Variants in NR3C2 observed in about 807,000 individuals in gnomAD.
NR3C2 encodes the protein mineralocorticoid receptor.
Under a neutral mutation model 86.4 loss-of-function variants are expected in NR3C2, and 15 were observed. The ratio of observed to expected loss-of-function variants is 0.17; its 90% CI spans 0.12 to 0.27. The LOEUF (loss-of-function observed/expected upper bound fraction) is 0.27, where lower values mean the gene tolerates loss of function less well. Ranked by LOEUF, NR3C2 falls within the 10% of genes least tolerant of loss-of-function variation. NR3C2 has a pLI of 1.00. For synonymous variants in NR3C2, 458 were observed against 450.5 expected, an observed-to-expected ratio of 1.02 and a Z score of -0.21; for missense variants, 960 against 1,195.6, an observed-to-expected ratio of 0.80 and a Z score of 2.91.
rs1740021865 is a variant in NR3C2 at position 148,260,098 on chromosome 4, A to G, written c.1777T>C (p.Ser593Pro). Residue 593 changes from serine (S) to proline (P), a missense_variant, in exon 3 of 9, where the codon TCT becomes CCT. Physicochemically the swap from Ser to Pro is moderately conservative, Grantham distance 74. Coordinates refer to ENST00000358102, the MANE Select transcript of NR3C2 (RefSeq NM_000901.5). ...NVSSSTLRSVSTGSSRPSKIC... is the reference protein window; with the variant it reads ...NVSSSTLRSVPTGSSRPSKIC... ...TTTGAAGGTCTTGAAGATCCAGTAGAAACACTTCGTAAAGTAGAGCTGGGG... is the reference window on the plus strand; with the variant it reads ...TTTGAAGGTCTTGAAGATCCAGTAGGAACACTTCGTAAAGTAGAGCTGGGG... The G allele has an allele frequency of 6.2e-7, 1 of 1,613,996 alleles. No individual in the cohort carries two copies. The highest frequency in any genetic ancestry group is 1.3e-5 in the African/African-American group (1 of 74,952).
rs80120039 is a variant in NR3C2, at chr4:148,335,070, A to T, written c.1758-74953T>A. Among the ~76,000 whole-genome samples, 864 of 152,304 alleles carry T rather than the reference A, an allele frequency of 5.7e-3. 7 individuals are homozygous for T. Among genetic ancestry groups the T allele is most frequent in the African/African-American group, 0.019 (810 of 41,548 alleles). The stretch of plus-strand genomic sequence containing the variant: ...CTCTATTCCAGTATGACCTCATTGT[A>T]ACTAATTATATCTGCGATGACTTTA... On this transcript the variant is annotated intron_variant, in intron 2 of 8. Transcript: ENST00000358102.
intron 2 of NR3C2, among the ~76,000 whole-genome samples, chr4:148,367,756 G>C (rs1746219538): frequency 6.6e-6 from 1 of 151,772 alleles, no homozygotes; most frequent in African/African-American, 2.4e-5. Flanking sequence ...GACAGTGAAG[G>C]GGGAACTAGA....
rs139477358 is a variant in NR3C2 at position 148,117,773 on chromosome 4, A to T, written c.2641+2385T>A. 6.3e-3 allele frequency among the ~76,000 whole-genome samples: 958 copies of T among 152,240 alleles called. 10 individuals carry two copies. The highest frequency in any genetic ancestry group is 0.022 in the African/African-American group (902 of 41,538). On this transcript the variant is annotated intron_variant, in intron 7 of 8. Coordinates refer to ENST00000358102, the MANE Select transcript of NR3C2 (RefSeq NM_000901.5). ...CTGGAAACAACAGCTCTTCATACGC[A>T]TTCGGAAATCCTGAGCCCCTTGGCT...
chr4:148,207,466 G>C (rs1737062582), intron 3 of NR3C2, among the ~76,000 whole-genome samples: 1 of 152,086 alleles, frequency 6.6e-6, no homozygotes, highest in African/African-American at 2.4e-5. Flanking sequence ...TTGATCATTT[G>C]GCTAAATTTG....
At position 148,435,077 on chromosome 4, in the gene NR3C2, C is replaced by G. The variant is rs1749969905; in HGVS notation, c.1757+27G>C. On this transcript the variant is annotated intron_variant, in intron 2 of 8. Transcript: ENST00000358102. Reference sequence around the variant, plus strand: ...TTCAACATGTATAAAGCCATGACTTCCAAAAAAATGGAGAAAACCAACTTA... The same window carrying G: ...TTCAACATGTATAAAGCCATGACTTGCAAAAAAATGGAGAAAACCAACTTA... 4 of 1,611,598 alleles carry G rather than the reference C, an allele frequency of 2.5e-6. No individual in the cohort carries two copies. The African/African-American group carries it at 5.3e-5, about 22-fold the overall frequency.
chr4:148,274,767 G>A (rs1016633848), intron 2 of NR3C2, among the ~76,000 whole-genome samples: 1 of 147,690 alleles, frequency 6.8e-6, no homozygotes, highest in African/African-American at 2.5e-5. Flanking sequence ...GCGTGATTTC[G>A]GCTCACTGCA....
rs1731686588 is a variant in NR3C2 at position 148,104,342 on chromosome 4, G to GGTTTGGTTTTTTTTTTTTTTTT, written c.2799+9761_2799+9762insAAAAAAAAAAAAAAAACCAAAC. 6.3e-5 allele frequency among the ~76,000 whole-genome samples: 4 copies of GGTTTGGTTTTTTTTTTTTTTTT among 63,794 alleles called. 1 individual carries two copies. The highest frequency in any genetic ancestry group is 5.5e-5 in the African/African-American group (1 of 18,032). The allele number at this position is 63,794 out of a possible 152,430, so 41.9% of individuals were successfully genotyped here. A position where few individuals can be genotyped will look rare whatever the true frequency, so the allele number is the denominator to read the frequency against. On this transcript the variant is annotated intron_variant, in intron 8 of 8. Transcript: ENST00000358102. ...GTTTGTTTTTTTGTGTTTTGGTTTGGTTTTTTTTTTTTTTTTTTTTGCATA... is the reference window on the plus strand; with the variant it reads ...GTTTGTTTTTTTGTGTTTTGGTTTGGGTTTGGTTTTTTTTTTTTTTTTTTTTTTTTTTTTTTTTTTTTGCATA...
At chr4:148,442,492 A>C (rs956362505), upstream of NR3C2, 3 of 248,964 alleles carry the variant, frequency 1.2e-5, no homozygotes, top group African/African-American at 7.0e-5. Context: ...CCGGAGGGGG[A>C]GTGGGCCAGC....
At chr4:148,200,776 T>C (rs1389048961) in intron 3 of NR3C2, among the ~76,000 whole-genome samples, 2 of 152,346 alleles carry the variant, frequency 1.3e-5, no homozygotes, top group East Asian at 3.9e-4. Context: ...GTAGCTGTTA[T>C]CGCTGTATTT....
intron 4 of NR3C2, among the ~76,000 whole-genome samples, chr4:148,178,409 AT>A (rs562538615): frequency 1.3e-5 from 2 of 151,574 alleles, no homozygotes; most frequent in Non-Finnish European, 2.9e-5. Flanking sequence ...TTGAAAACTG[AT>A]TTTTTTTCAC....
chr4:148,120,597 A>G (rs1386853226), intron 6 of NR3C2, among the ~76,000 whole-genome samples: 1 of 152,174 alleles, frequency 6.6e-6, no homozygotes, highest in Non-Finnish European at 1.5e-5. Flanking sequence ...TGAGGATTTT[A>G]GTGTGTTACA....
chr4:148,280,104 A>G (rs889465813), intron 2 of NR3C2, among the ~76,000 whole-genome samples: 4 of 152,236 alleles, frequency 2.6e-5, no homozygotes, highest in African/African-American at 9.6e-5. Context: ...TGCATCAGGA[A>G]AATGTAAACT....
chr4:148,245,377 T>C (rs1050802679), intron 3 of NR3C2, among the ~76,000 whole-genome samples: 4 of 152,164 alleles, frequency 2.6e-5, no homozygotes, highest in African/African-American at 9.7e-5. Flanking sequence ...TGAAATAAAA[T>C]AAGAAACACT....
intron 2 of NR3C2, among the ~76,000 whole-genome samples, chr4:148,320,069 G>C (rs1743476278): frequency 7.8e-6 from 1 of 128,374 alleles, no homozygotes; most frequent in African/African-American, 3.5e-5. Flanking sequence ...CTAATTTATT[G>C]AGAGTTTTTA....
intron 5 of NR3C2, among the ~76,000 whole-genome samples, chr4:148,153,864 C>G (rs930058780): frequency 6.6e-6 from 1 of 152,170 alleles, no homozygotes; most frequent in Non-Finnish European, 1.5e-5. Flanking sequence ...TTGGTCTACA[C>G]TTAGATTAAC....
chr4:148,127,735 C>G (rs982464984), intron 6 of NR3C2, among the ~76,000 whole-genome samples: 1 of 152,188 alleles, frequency 6.6e-6, no homozygotes, highest in African/African-American at 2.4e-5. Context: ...TCTAGAGACC[C>G]ATTCCAGAGG....
At chr4:148,282,439 G>T (rs1316787107) in intron 2 of NR3C2, among the ~76,000 whole-genome samples, 3 of 152,208 alleles carry the variant, frequency 2.0e-5, no homozygotes, top group African/African-American at 7.2e-5. Flanking sequence ...ATGGAAATTT[G>T]TTCAAGATAA....
At chr4:148,226,277 A>G (rs559089494) in intron 3 of NR3C2, among the ~76,000 whole-genome samples, 4 of 152,272 alleles carry the variant, frequency 2.6e-5, no homozygotes, top group African/African-American at 9.6e-5. Flanking sequence ...TCTCCAGCCA[A>G]TCCCCGCCCA....
intron 2 of NR3C2, among the ~76,000 whole-genome samples, chr4:148,421,899 G>A (rs887113352): frequency 6.6e-6 from 1 of 152,090 alleles, no homozygotes; most frequent in African/African-American, 2.4e-5. Context: ...CACAGTTCAT[G>A]AAATTATACT....
Sources: allele counts gnomAD v4.1 joint callset (sites outside exome capture counted in the v4.1 genomes callset), GRCh38; gene constraint gnomAD v4.1.1; transcripts MANE v1.5; gene names NCBI Gene and HGNC (gene_info 2026-07-23, HGNC 2026-07-21).